Variants in MAP3K7CL observed in about 807,000 individuals in gnomAD.
MAP3K7CL encodes MAP3K7 C-terminal-like protein.
Under a neutral mutation model 18.6 loss-of-function variants are expected in MAP3K7CL, and 16 were observed. The observed-to-expected ratio is 0.86, with a 90% CI of 0.58 to 1.31. MAP3K7CL has a LOEUF of 1.31. MAP3K7CL is among the 50% of genes most tolerant of loss of function. The probability of loss-of-function intolerance (pLI) is 0.00; values close to 1 mark genes in which losing one functional copy is unlikely to be tolerated. For missense variants in MAP3K7CL, 163 were observed against 174.4 expected (o/e 0.93, Z 0.37); for synonymous variants, 65 against 66.8 (o/e 0.97, Z 0.13).
intron 1 of MAP3K7CL, among the ~76,000 whole-genome samples, chr21:29,087,307 A>G (rs1243281374): frequency 6.6e-6 from 1 of 152,146 alleles, no homozygotes; most frequent in East Asian, 1.9e-4. Flanking sequence ...CCTAAAAGCT[A>G]ATACTCCCTA....
At chr21:29,108,345 A>G (rs893754319) in intron 4 of MAP3K7CL, among the ~76,000 whole-genome samples, 6 of 152,192 alleles carry the variant, frequency 3.9e-5, no homozygotes, top group African/African-American at 1.4e-4. Context: ...CTCATCAGGA[A>G]TGGAATCAGC....
At chr21:29,080,496 G>A (rs949267148) in intron 1 of MAP3K7CL, 2 of 152,188 alleles carry the variant, frequency 1.3e-5, no homozygotes, top group African/African-American at 4.8e-5. Flanking sequence ...GTGATGAGAT[G>A]ATGCATTTTT....
intron 1 of MAP3K7CL, among the ~76,000 whole-genome samples, chr21:29,087,249 C>T (rs2085940849): frequency 6.6e-6 from 1 of 152,206 alleles, no homozygotes; most frequent in South Asian, 2.1e-4. Flanking sequence ...ACTCTGTCTT[C>T]AGGAACTTCC....
chr21:29,131,229 T>C (rs920288232), intron 1 of MAP3K7CL: 1 of 152,258 alleles, frequency 6.6e-6, no homozygotes, highest in African/African-American at 2.4e-5. Context: ...AGAGGACTAT[T>C]TACAAAATCC....
At chr21:29,157,732 T>C (rs2087441466) in intron 3 of MAP3K7CL, among the ~76,000 whole-genome samples, 1 of 152,158 alleles carries the variant, frequency 6.6e-6, no homozygotes, top group Non-Finnish European at 1.5e-5. Context: ...GTGCCAGTAG[T>C]AAAAAAAGAA....
intron 4 of MAP3K7CL, chr21:29,109,277 G>A: frequency 6.6e-7 from 1 of 1,511,080 alleles, no homozygotes; most frequent in Admixed American, 2.1e-5. Context: ...GCATGTGTGT[G>A]TAATGCTTAT....
chr21:29,078,116 C>G (rs557003996), intron 1 of MAP3K7CL, among the ~76,000 whole-genome samples: 3 of 151,868 alleles, frequency 2.0e-5, no homozygotes, highest in African/African-American at 7.2e-5. Flanking sequence ...ATTTAATTTT[C>G]CCAATTCCCA....
intron 4 of MAP3K7CL, among the ~76,000 whole-genome samples, chr21:29,101,474 A>G (rs1035355114): frequency 2.2e-4 from 33 of 152,174 alleles, no homozygotes; most frequent in Admixed American, 6.5e-5. Flanking sequence ...CAGTGGCGCC[A>G]TCTCTGCTCA....
chr21:29,164,946 C>T (rs897787904), intron 4 of MAP3K7CL, among the ~76,000 whole-genome samples: 5 of 151,704 alleles, frequency 3.3e-5, no homozygotes, highest in Admixed American at 6.6e-5. Flanking sequence ...TGATTTTTTC[C>T]GTAAATATTA....
intron 4 of MAP3K7CL, among the ~76,000 whole-genome samples, chr21:29,110,325 A>G (rs945840949): frequency 2.0e-5 from 3 of 151,992 alleles, no homozygotes; most frequent in Non-Finnish European, 1.5e-5. Context: ...ACTTTCTGGA[A>G]TTTCTATATT....
intron 4 of MAP3K7CL, among the ~76,000 whole-genome samples, chr21:29,164,394 G>A (rs1040866502): frequency 6.6e-6 from 1 of 152,108 alleles, no homozygotes; most frequent in East Asian, 1.9e-4. Context: ...TGATTATGTT[G>A]CCTCTAGCTT....
intron 1 of MAP3K7CL, among the ~76,000 whole-genome samples, chr21:29,078,891 C>G (rs2085792312): frequency 6.6e-6 from 1 of 152,206 alleles, no homozygotes; most frequent in South Asian, 2.1e-4. Flanking sequence ...AAAGTCCTGA[C>G]TGATTCGACT....
intron 4 of MAP3K7CL, among the ~76,000 whole-genome samples, chr21:29,168,836 T>G (rs926089371): frequency 2.6e-5 from 4 of 152,224 alleles, no homozygotes; most frequent in Non-Finnish European, 5.9e-5. Flanking sequence ...CTCTTCTCAG[T>G]GAGAGCTCTT....
intron 2 of MAP3K7CL, among the ~76,000 whole-genome samples, chr21:29,137,992 G>T (rs2086921466): frequency 6.6e-6 from 1 of 152,154 alleles, no homozygotes; most frequent in Non-Finnish European, 1.5e-5. Flanking sequence ...TAATGTAATG[G>T]GATGACTTAA....
At chr21:29,085,979 G>A (rs1040695784) in intron 1 of MAP3K7CL, 3 of 1,571,722 alleles carry the variant, frequency 1.9e-6, no homozygotes, top group African/African-American at 2.7e-5. Flanking sequence ...TGTTTTCAGT[G>A]AAAACAGGGT....
chr21:29,105,029 TTCC>T (rs1332822446), intron 4 of MAP3K7CL, among the ~76,000 whole-genome samples: 1 of 152,198 alleles, frequency 6.6e-6, no homozygotes, highest in Non-Finnish European at 1.5e-5. Flanking sequence ...TCCCACATGT[TTCC>T]TAAAAAGGGA....
At chr21:29,162,441 G>C (rs903641646) in intron 4 of MAP3K7CL, among the ~76,000 whole-genome samples, 2 of 151,816 alleles carry the variant, frequency 1.3e-5, no homozygotes, top group Non-Finnish European at 2.9e-5. Flanking sequence ...CAGCACTTTG[G>C]GAGGCCGAGG....
chr21:29,148,561 G>A (rs1393287878), intron 2 of MAP3K7CL, among the ~76,000 whole-genome samples: 1 of 152,138 alleles, frequency 6.6e-6, no homozygotes, highest in African/African-American at 2.4e-5. Context: ...AGGTCTTTCG[G>A]GACTCTCTGG....
intron 2 of MAP3K7CL, chr21:29,145,425 C>T (rs1381920998): frequency 1.3e-5 from 2 of 152,222 alleles, no homozygotes; most frequent in Non-Finnish European, 2.9e-5. Context: ...TACAACGATT[C>T]AGCCAAATGT....
Sources: allele counts gnomAD v4.1 joint callset (sites outside exome capture counted in the v4.1 genomes callset), GRCh38; gene constraint gnomAD v4.1.1; transcripts MANE v1.5; gene names NCBI Gene and HGNC (gene_info 2026-07-23, HGNC 2026-07-21).